Variants in CCDC178 observed in about 807,000 individuals in gnomAD.
CCDC178 encodes the protein coiled-coil domain-containing protein 178.
CCDC178 carries 126 observed loss-of-function variants against 117.4 expected under a neutral mutation model. That is an observed-to-expected ratio of 1.07 (90% confidence interval 0.93 to 1.24). The LOEUF is 1.24. CCDC178 is among the 50% of genes most tolerant of loss of function. CCDC178 has a pLI of 0.00. For missense variants in CCDC178, 1,030 were observed against 986.9 expected, an observed-to-expected ratio of 1.04 and a Z score of -0.59; for synonymous variants, 283 against 313.4, an observed-to-expected ratio of 0.90 and a Z score of 1.02.
intron 15 of CCDC178, among the ~76,000 whole-genome samples, chr18:33,237,782 A>AC (rs983407867): frequency 1.2e-3 from 176 of 150,686 alleles, no homozygotes; most frequent in African/African-American, 4.0e-3. Flanking sequence ...GAAAAAAACA[A>AC]AAAAAAAAAC....
chr18:32,999,500 A>C (rs1046907747), intron 21 of CCDC178, among the ~76,000 whole-genome samples: 4 of 152,144 alleles, frequency 2.6e-5, no homozygotes, highest in Non-Finnish European at 4.4e-5. Context: ...CATAGGTTGC[A>C]GCCAGGTTGT....
intron 14 of CCDC178, among the ~76,000 whole-genome samples, chr18:33,248,693 T>A (rs2059579646): frequency 6.6e-6 from 1 of 152,044 alleles, no homozygotes; most frequent in African/African-American, 2.4e-5. Flanking sequence ...TGGTTCCAAG[T>A]CTTTGCTATT....
intron 3 of CCDC178, among the ~76,000 whole-genome samples, chr18:33,410,038 C>A (rs2063830190): frequency 6.6e-6 from 1 of 152,130 alleles, no homozygotes; most frequent in Non-Finnish European, 1.5e-5. Context: ...ATATCTATTG[C>A]ATCAAATGAT....
chr18:32,991,267 G>A (rs548146207), intron 21 of CCDC178, among the ~76,000 whole-genome samples: 40 of 152,052 alleles, frequency 2.6e-4, no homozygotes, highest in Admixed American at 1.6e-3. Context: ...AATGTTTGCC[G>A]GGCAAATTAA....
At chr18:33,372,476 TA>T (rs1378482094) in intron 5 of CCDC178, among the ~76,000 whole-genome samples, 1 of 152,130 alleles carries the variant, frequency 6.6e-6, no homozygotes, top group African/African-American at 2.4e-5. Flanking sequence ...ATTTTTCACC[TA>T]AAATTCCAAA....
intron 2 of CCDC178, among the ~76,000 whole-genome samples, chr18:33,417,318 G>A (rs2063957701): frequency 6.6e-6 from 1 of 152,114 alleles, no homozygotes; most frequent in African/African-American, 2.4e-5. Flanking sequence ...TAATTATGCT[G>A]AGTGAAAAAA....
At chr18:33,202,915 C>G (rs564800048) in intron 20 of CCDC178, among the ~76,000 whole-genome samples, 26 of 152,208 alleles carry the variant, frequency 1.7e-4, no homozygotes, top group Non-Finnish European at 2.6e-4. Context: ...TCCTAAATAA[C>G]CATTTTTGTA....
chr18:33,239,518 A>G (rs906501128), intron 15 of CCDC178, among the ~76,000 whole-genome samples: 7 of 151,482 alleles, frequency 4.6e-5, no homozygotes, highest in Non-Finnish European at 8.9e-5. Context: ...AAAAAAAAAA[A>G]GATTTCACAC....
chr18:33,212,677 T>C (rs2059122506), intron 19 of CCDC178, among the ~76,000 whole-genome samples: 2 of 152,000 alleles, frequency 1.3e-5, no homozygotes, highest in Non-Finnish European at 2.9e-5. Flanking sequence ...AGATGATAGA[T>C]TTTTTTATTG....
At chr18:33,390,154 G>C (rs979127709) in intron 4 of CCDC178, among the ~76,000 whole-genome samples, 1 of 151,224 alleles carries the variant, frequency 6.6e-6, no homozygotes, top group Non-Finnish European at 1.5e-5. Flanking sequence ...GTAATTGCTA[G>C]ATTAAGAAAC....
At chr18:32,959,216 A>G (rs1425305434) in intron 22 of CCDC178, among the ~76,000 whole-genome samples, 1 of 152,172 alleles carries the variant, frequency 6.6e-6, no homozygotes, top group African/African-American at 2.4e-5. Flanking sequence ...AGGAATGAGA[A>G]GAGTTTTCAA....
chr18:33,359,185 C>G (rs953286404), intron 6 of CCDC178, among the ~76,000 whole-genome samples: 4 of 151,646 alleles, frequency 2.6e-5, no homozygotes, highest in African/African-American at 9.7e-5. Context: ...CTGAAGTCCT[C>G]AACAAGTTAG....
At chr18:33,216,057 C>T (rs1167493232) in intron 18 of CCDC178, among the ~76,000 whole-genome samples, 1 of 151,928 alleles carries the variant, frequency 6.6e-6, no homozygotes, top group Non-Finnish European at 1.5e-5. Flanking sequence ...ATGATTGCTC[C>T]ACTGCACTCC....
rs188873034 is a variant in CCDC178 at position 33,180,156 on chromosome 18, T to C, written c.2238+31740A>G. ...ACAGTTTCCTACTGAGTTTTGAAAA[T>C]TGGCAAAATCTTAGGCATTACTTTC... On this transcript the variant is annotated intron_variant, in intron 20 of 22. Coordinates refer to ENST00000383096, the MANE Select transcript of CCDC178 (RefSeq NM_001105528.4). 5.3e-4 allele frequency among the ~76,000 whole-genome samples: 80 copies of C among 152,044 alleles called. No individual in the cohort carries two copies. In the East Asian group the frequency reaches 0.01, roughly 20 times the overall value.
chr18:33,278,272 T>A (rs1365787557), intron 12 of CCDC178, among the ~76,000 whole-genome samples: 1 of 132,132 alleles, frequency 7.6e-6, no homozygotes, highest in Non-Finnish European at 1.6e-5. Context: ...CACATATATA[T>A]ACACAAATAC....
In CCDC178 at chr18:33,393,294, T is replaced by C. The variant is rs371635181; in HGVS notation, c.119-3665A>G. On this transcript the variant is annotated intron_variant, in intron 4 of 22. Transcript: ENST00000383096. ...AGTCATTCTGCAAGCATTTAAACCTTATATTTATGTGTGTATGGTGTATTT... is the reference window on the plus strand; with the variant it reads ...AGTCATTCTGCAAGCATTTAAACCTCATATTTATGTGTGTATGGTGTATTT... Among the ~76,000 whole-genome samples the C allele has an allele frequency of 5.9e-5, 9 of 152,306 alleles. No homozygotes were observed. In the East Asian group the frequency reaches 1.2e-3, roughly 20 times the overall value.
intron 7 of CCDC178, among the ~76,000 whole-genome samples, chr18:33,356,119 G>T (rs950298356): frequency 1.3e-5 from 2 of 152,088 alleles, no homozygotes; most frequent in African/African-American, 2.4e-5. Flanking sequence ...TGTTTTTGTG[G>T]AGGGGTGGAG....
chr18:33,060,349 T>C (rs551832924), intron 21 of CCDC178, among the ~76,000 whole-genome samples: 61 of 152,242 alleles, frequency 4.0e-4, no homozygotes, highest in Non-Finnish European at 7.9e-4. Context: ...AAAGCCTTTA[T>C]AATATTATTT....
At chr18:33,220,431 C>T (rs988038414) in intron 18 of CCDC178, among the ~76,000 whole-genome samples, 3 of 152,014 alleles carry the variant, frequency 2.0e-5, no homozygotes, top group South Asian at 4.1e-4. Context: ...AAAGCCTTTA[C>T]TATTTTCTCT....
Sources: gnomAD v4.1 joint callset for allele counts (sites outside exome capture counted in the v4.1 genomes callset) on GRCh38, gnomAD v4.1.1 for gene constraint, MANE v1.5 for transcripts, NCBI Gene and HGNC (gene_info 2026-07-23, HGNC 2026-07-21) for gene names.